PCDHA8: variants seen among roughly 807,000 people sequenced by gnomAD.
PCDHA8 encodes the protein protocadherin alpha 8.
A neutral mutation model predicts 61.8 loss-of-function variants in PCDHA8; 53 were observed. The observed-to-expected ratio is 0.86, with a 90% CI of 0.69 to 1.08. The LOEUF is 1.08. PCDHA8 is among the 50% of genes least tolerant of loss of function. The pLI is 0.00. For synonymous variants in PCDHA8, 618 were observed against 556.6 expected (o/e 1.11, Z -1.55); for missense variants, 1,293 against 1,245.0 (o/e 1.04, Z -0.58).
In PCDHA8 at chr5:140,871,387, G is replaced by A. The variant is rs372339362; in HGVS notation, c.2394+27672G>A. Reference sequence around the variant, plus strand: ...GCGGCAGAGGGTGTGCTCTGAGGAGGGCCCACCTAAGACGGACCTCATGGC... The same window carrying A: ...GCGGCAGAGGGTGTGCTCTGAGGAGAGCCCACCTAAGACGGACCTCATGGC... On this transcript the variant is annotated intron_variant, in intron 1 of 3. Coordinates refer to ENST00000531613, the MANE Select transcript of PCDHA8 (RefSeq NM_018911.3). 87 of 1,614,172 alleles carry A rather than the reference G, an allele frequency of 5.4e-5. No homozygotes were observed. The African/African-American group carries it at 1.0e-3, about 19-fold the overall frequency.
intron 1 of PCDHA8, chr5:140,863,201 C>T (rs782647654): frequency 2.2e-5 from 20 of 925,678 alleles, no homozygotes; most frequent in South Asian, 1.0e-4. Context: ...GCGTCGCTGG[C>T]GGAGAGCAGC....
intron 1 of PCDHA8, chr5:140,849,113 G>A: frequency 1.4e-6 from 2 of 1,434,592 alleles, no homozygotes; most frequent in Non-Finnish European, 1.9e-6. Context: ...AAGAAACTCC[G>A]GAGCTTCATT....
intron 1 of PCDHA8, chr5:140,928,544 A>G (rs1554205985): frequency 3.1e-6 from 5 of 1,614,062 alleles, no homozygotes; most frequent in Middle Eastern, 1.6e-4. Flanking sequence ...AGGAATGACA[A>G]TTATCCGGTT....
chr5:140,919,352 T>G (rs1406850241), intron 1 of PCDHA8, among the ~76,000 whole-genome samples: 1 of 152,222 alleles, frequency 6.6e-6, no homozygotes, highest in Non-Finnish European at 1.5e-5. Flanking sequence ...TCTTTGAATC[T>G]AAAAGTGTCT....
intron 1 of PCDHA8, among the ~76,000 whole-genome samples, chr5:140,888,737 A>G (rs1468383652): frequency 6.6e-6 from 1 of 152,036 alleles, no homozygotes; most frequent in Non-Finnish European, 1.5e-5. Flanking sequence ...TGTGAGCTCT[A>G]GGAATTATTC....
intron 1 of PCDHA8, among the ~76,000 whole-genome samples, chr5:140,935,799 A>T (rs1423027036): frequency 1.3e-5 from 2 of 151,978 alleles, no homozygotes; most frequent in African/African-American, 4.8e-5. Flanking sequence ...TATAAACGAG[A>T]TTATTTCATA....
chr5:140,875,306 C>T, intron 1 of PCDHA8: 1 of 1,420,166 alleles, frequency 7.0e-7, no homozygotes, highest in Admixed American at 2.9e-5. Context: ...TTCTCCGCAC[C>T]CACATTCCAA....
chr5:140,915,164 G>A (rs782783727), intron 1 of PCDHA8, among the ~76,000 whole-genome samples: 27 of 152,144 alleles, frequency 1.8e-4, no homozygotes, highest in African/African-American at 5.3e-4. Flanking sequence ...GGCCAGGATA[G>A]TCTCGATCTC....
chr5:140,910,411 A>C (rs1554194248), intron 1 of PCDHA8, among the ~76,000 whole-genome samples: 2 of 152,062 alleles, frequency 1.3e-5, no homozygotes, highest in African/African-American at 4.8e-5. Flanking sequence ...CCACCTCGAG[A>C]TCCAATTATT....
intron 3 of PCDHA8, among the ~76,000 whole-genome samples, chr5:140,999,519 G>A (rs1303009823): frequency 6.6e-6 from 1 of 152,074 alleles, no homozygotes; most frequent in Non-Finnish European, 1.5e-5. Context: ...TAAGCATTTT[G>A]TTACCCCCTG....
intron 3 of PCDHA8, among the ~76,000 whole-genome samples, chr5:140,999,721 G>T (rs2097872214): frequency 6.6e-6 from 1 of 152,150 alleles, no homozygotes; most frequent in South Asian, 2.1e-4. Flanking sequence ...ACGGAGACCA[G>T]CCATTCCAAT....
chr5:140,939,807 C>G (rs927084385), intron 1 of PCDHA8, among the ~76,000 whole-genome samples: 1 of 152,088 alleles, frequency 6.6e-6, no homozygotes, highest in African/African-American at 2.4e-5. Context: ...TCTGCATGTT[C>G]AAGAAAAAGC....
At chr5:140,869,725 C>T (rs1326402140) in intron 1 of PCDHA8, 1 of 1,613,284 alleles carries the variant, frequency 6.2e-7, no homozygotes, top group Non-Finnish European at 8.5e-7. Flanking sequence ...AACTCCGGAA[C>T]TTAATTTGCT....
intron 1 of PCDHA8, among the ~76,000 whole-genome samples, chr5:140,920,281 A>G (rs1227812998): frequency 6.6e-6 from 1 of 152,176 alleles, no homozygotes; most frequent in Admixed American, 6.5e-5. Flanking sequence ...GTAATCTTAT[A>G]TTTTTTAGAG....
chr5:140,878,060 T>C (rs1251415258), intron 1 of PCDHA8: 2 of 426,090 alleles, frequency 4.7e-6, no homozygotes, highest in Non-Finnish European at 7.6e-6. Flanking sequence ...CCACACTTAA[T>C]ATTTTTCTTT....
intron 1 of PCDHA8, among the ~76,000 whole-genome samples, chr5:140,844,046 T>C (rs1373355795): frequency 1.1e-4 from 17 of 149,680 alleles, no homozygotes; most frequent in African/African-American, 3.9e-4. Flanking sequence ...GTGAAAGTAT[T>C]CCCCCAAAGC....
At chr5:140,873,477 G>T (rs1351179000) in intron 1 of PCDHA8, among the ~76,000 whole-genome samples, 1 of 151,984 alleles carries the variant, frequency 6.6e-6, no homozygotes, top group Non-Finnish European at 1.5e-5. Flanking sequence ...AAATTACTTG[G>T]ACTGATTTCT....
chr5:140,975,759 A>G (rs1420459945), intron 1 of PCDHA8, among the ~76,000 whole-genome samples: 1 of 152,248 alleles, frequency 6.6e-6, no homozygotes, highest in Non-Finnish European at 1.5e-5. Context: ...TCTATGTCAT[A>G]AATCACAGAT....
intron 1 of PCDHA8, among the ~76,000 whole-genome samples, chr5:140,941,191 T>TTTTTTTCTTTCTTTCTTTC (rs1554213809): frequency 2.1e-5 from 2 of 93,258 alleles, no homozygotes; most frequent in Admixed American, 1.2e-4. Context: ...GCTTCTTTTT[T>TTTTTTTCTTTCTTTCTTTC]TTTCTTTCTT....
Sources: allele counts gnomAD v4.1 joint callset (sites outside exome capture counted in the v4.1 genomes callset), GRCh38; gene constraint gnomAD v4.1.1; transcripts MANE v1.5; gene names NCBI Gene and HGNC (gene_info 2026-07-23, HGNC 2026-07-21).